The following MACROD2 variants were observed in gnomAD, a reference collection of about 807,000 sequenced individuals.
The protein encoded by MACROD2 is mono-ADP ribosylhydrolase 2.
MACROD2 carries 36 observed loss-of-function variants against 70.4 expected under a neutral mutation model. The observed-to-expected ratio is 0.51, with a 90% CI of 0.39 to 0.68. MACROD2 has a LOEUF of 0.68. Among genes scored for constraint, MACROD2 ranks in the 30% least tolerant of loss-of-function variants. The pLI is 0.00. For missense variants in MACROD2, 496 were observed against 538.4 expected, an observed-to-expected ratio of 0.92 and a Z score of 0.78; for synonymous variants, 172 against 178.8, an observed-to-expected ratio of 0.96 and a Z score of 0.30.
intron 5 of MACROD2, among the ~76,000 whole-genome samples, chr20:14,970,776 C>T (rs569309026): frequency 6.6e-6 from 1 of 152,074 alleles, no homozygotes. Flanking sequence ...TCAGCCTCTT[C>T]AGTAGCTGGA....
At chr20:15,490,186 CCTTT>C (rs1426274471) in intron 7 of MACROD2, among the ~76,000 whole-genome samples, 6 of 150,294 alleles carry the variant, frequency 4.0e-5, no homozygotes, top group Non-Finnish European at 5.9e-5. Flanking sequence ...TTCCTTCCTT[CCTTT>C]CTTCCTCCCT....
At chr20:14,085,819 A>C in intron 3 of MACROD2, 91 bp downstream of exon 3, 1 of 725,504 alleles carries the variant, frequency 1.4e-6, no homozygotes, top group Non-Finnish European at 2.1e-6. Context: ...TTTAGAAAAA[A>C]ATGCTTTTTG....
chr20:15,308,810 A>G (rs888669435), intron 6 of MACROD2, among the ~76,000 whole-genome samples: 51 of 152,276 alleles, frequency 3.3e-4, no homozygotes, highest in African/African-American at 1.2e-3. Context: ...CCCGGCTTTC[A>G]TGGTCCCTAC....
intron 3 of MACROD2, among the ~76,000 whole-genome samples, chr20:14,102,301 C>G (rs2054312077): frequency 6.6e-6 from 1 of 151,928 alleles, no homozygotes; most frequent in Admixed American, 6.6e-5. Context: ...CGCGGCTGGC[C>G]TTAATGAGTA....
At chr20:14,078,489 C>A (rs2053946195) in intron 2 of MACROD2, among the ~76,000 whole-genome samples, 4 of 152,032 alleles carry the variant, frequency 2.6e-5, no homozygotes, top group Admixed American at 2.6e-4. Context: ...TCACTGCAAC[C>A]TCCACCTCCC....
chr20:15,842,474 T>TTTC, intron 8 of MACROD2, among the ~76,000 whole-genome samples: 1 of 151,134 alleles, frequency 6.6e-6, no homozygotes, highest in Non-Finnish European at 1.5e-5. Flanking sequence ...TCATCTTTTT[T>TTTC]TTTTTTTTGC....
intron 5 of MACROD2, among the ~76,000 whole-genome samples, chr20:15,208,041 G>A (rs969636695): frequency 6.6e-6 from 1 of 151,954 alleles, no homozygotes; most frequent in African/African-American, 2.4e-5. Context: ...TCAGTGATAT[G>A]ATTTTAGATC....
intron 6 of MACROD2, among the ~76,000 whole-genome samples, chr20:15,395,528 C>A (rs1469542059): frequency 6.6e-6 from 1 of 152,160 alleles, no homozygotes. Context: ...GAAGACCGTG[C>A]AGTCTCTGTC....
intron 8 of MACROD2, among the ~76,000 whole-genome samples, chr20:15,591,138 C>T (rs2048674007): frequency 6.6e-6 from 1 of 152,152 alleles, no homozygotes; most frequent in Admixed American, 6.5e-5. Flanking sequence ...ACTAGTAGTT[C>T]AGCGGATTTG....
At chr20:14,599,300 G>A (rs1982337403) in intron 4 of MACROD2, among the ~76,000 whole-genome samples, 1 of 152,142 alleles carries the variant, frequency 6.6e-6, no homozygotes, top group Non-Finnish European at 1.5e-5. Flanking sequence ...TTAAAGCGTT[G>A]AGGACAGGAG....
At chr20:15,967,341 T>G (rs1476338339) in intron 12 of MACROD2, among the ~76,000 whole-genome samples, 3 of 152,142 alleles carry the variant, frequency 2.0e-5, no homozygotes, top group Non-Finnish European at 2.9e-5. Flanking sequence ...GCTAGCTACA[T>G]CTCTACCTTT....
intron 3 of MACROD2, among the ~76,000 whole-genome samples, chr20:14,364,819 C>T (rs1035543839): frequency 1.3e-5 from 2 of 152,138 alleles, no homozygotes. Flanking sequence ...ACAATATTCT[C>T]TTGTGTGTCC....
chr20:15,088,072 AT>A (rs879806005), intron 5 of MACROD2, among the ~76,000 whole-genome samples: 8 of 151,912 alleles, frequency 5.3e-5, no homozygotes, highest in Admixed American at 5.3e-4. Context: ...GGGAAAGTGA[AT>A]TGTTTTAAAA....
At chr20:15,371,636 A>G (rs1170596532) in intron 6 of MACROD2, among the ~76,000 whole-genome samples, 1 of 152,170 alleles carries the variant, frequency 6.6e-6, no homozygotes, top group African/African-American at 2.4e-5. Flanking sequence ...CTAAAATTGT[A>G]AGAAAATGCT....
chr20:14,858,344 T>C (rs2073278107), intron 5 of MACROD2, among the ~76,000 whole-genome samples: 1 of 152,046 alleles, frequency 6.6e-6, no homozygotes, highest in Admixed American at 6.6e-5. Context: ...TGTTGAGCCC[T>C]TGGACCCCAG....
chr20:15,970,928 A>G (rs2066221133), intron 13 of MACROD2, among the ~76,000 whole-genome samples: 1 of 152,212 alleles, frequency 6.6e-6, no homozygotes, highest in African/African-American at 2.4e-5. Context: ...TGTCCTCCCC[A>G]GTAGAGCTTA....
chr20:15,494,086 A>AC (rs1268074316), intron 7 of MACROD2, among the ~76,000 whole-genome samples: 1 of 152,256 alleles, frequency 6.6e-6, no homozygotes, highest in Non-Finnish European at 1.5e-5. Flanking sequence ...GCTTCTAGTT[A>AC]TAAAAAGTAT....
At chr20:15,743,367 T>C (rs1165894117) in intron 8 of MACROD2, among the ~76,000 whole-genome samples, 2 of 152,154 alleles carry the variant, frequency 1.3e-5, no homozygotes, top group Non-Finnish European at 2.9e-5. Context: ...TACAACTTTT[T>C]CAGGAAGTGA....
At chr20:15,845,143 T>A (rs1191759146) in intron 8 of MACROD2, among the ~76,000 whole-genome samples, 2 of 152,116 alleles carry the variant, frequency 1.3e-5, no homozygotes, top group Non-Finnish European at 2.9e-5. Flanking sequence ...AATGTGACCC[T>A]GTTTGGAATA....
Sources: gnomAD v4.1 joint callset for allele counts (sites outside exome capture counted in the v4.1 genomes callset) on GRCh38, gnomAD v4.1.1 for gene constraint, MANE v1.5 for transcripts, NCBI Gene and HGNC (gene_info 2026-07-23, HGNC 2026-07-21) for gene names.